The following TMEM117 variants were observed in gnomAD, a reference collection of about 807,000 sequenced individuals.
TMEM117 encodes the protein transmembrane protein 117.
Under a neutral mutation model 52.4 loss-of-function variants are expected in TMEM117, and 27 were observed. That is an observed-to-expected ratio of 0.51 (90% CI 0.38 to 0.71). The LOEUF is 0.71. TMEM117 is among the 30% of genes least tolerant of loss of function. The pLI is 0.00. For synonymous variants in TMEM117, 215 were observed against 206.3 expected (o/e 1.04, Z -0.36); for missense variants, 556 against 630.5 (o/e 0.88, Z 1.26).
intron 2 of TMEM117, among the ~76,000 whole-genome samples, chr12:43,861,251 A>G (rs1423144006): frequency 6.6e-6 from 1 of 152,140 alleles, no homozygotes; most frequent in Non-Finnish European, 1.5e-5. Flanking sequence ...CCCCCCATAG[A>G]GTAAGAAAAG....
intron 4 of TMEM117, among the ~76,000 whole-genome samples, chr12:44,209,936 G>A (rs780424870): frequency 6.6e-6 from 1 of 152,030 alleles, no homozygotes; most frequent in Admixed American, 6.6e-5. Context: ...CGGTATTATT[G>A]AAGGGGTCAC....
intron 3 of TMEM117, among the ~76,000 whole-genome samples, chr12:43,978,216 T>C (rs1449050841): frequency 1.3e-5 from 2 of 152,156 alleles, no homozygotes; most frequent in Non-Finnish European, 1.5e-5. Flanking sequence ...TGTAAGCCAG[T>C]GGGCCAGGCA....
chr12:43,885,414 C>CT (rs63547361), intron 2 of TMEM117, among the ~76,000 whole-genome samples: 4,164 of 136,904 alleles, frequency 0.03, 118 homozygotes, highest in African/African-American at 0.06. Flanking sequence ...TTTTTCTTTT[C>CT]TTTTCTTTTT....
intron 6 of TMEM117, among the ~76,000 whole-genome samples, chr12:44,354,322 G>A (rs1423443638): frequency 6.6e-6 from 1 of 151,558 alleles, no homozygotes; most frequent in African/African-American, 2.4e-5. Flanking sequence ...AGAACTTCCG[G>A]CCAGCATCAT....
chr12:44,058,228 C>T (rs1044517667), intron 3 of TMEM117, among the ~76,000 whole-genome samples: 8 of 151,874 alleles, frequency 5.3e-5, no homozygotes, highest in Non-Finnish European at 1.0e-4. Context: ...AATATATTCG[C>T]TAAGAATCTC....
At chr12:44,044,196 G>C (rs917794053) in intron 3 of TMEM117, among the ~76,000 whole-genome samples, 1 of 152,214 alleles carries the variant, frequency 6.6e-6, no homozygotes, top group Non-Finnish European at 1.5e-5. Context: ...GAAGAGCCCT[G>C]TAATTGCTCT....
At chr12:43,955,254 A>G (rs1945288624) in intron 3 of TMEM117, among the ~76,000 whole-genome samples, 2 of 152,200 alleles carry the variant, frequency 1.3e-5, no homozygotes, top group South Asian at 2.1e-4. Context: ...GCCCTGTCTC[A>G]CTACTCCTAT....
intron 4 of TMEM117, among the ~76,000 whole-genome samples, chr12:44,169,250 T>C (rs1592575737): frequency 2.0e-5 from 3 of 152,330 alleles, no homozygotes; most frequent in Admixed American, 2.0e-4. Flanking sequence ...GGTAATTCTA[T>C]GTTTAATTTT....
chr12:44,177,648 A>G (rs1054795644), intron 4 of TMEM117, among the ~76,000 whole-genome samples: 8 of 152,170 alleles, frequency 5.3e-5, no homozygotes, highest in Non-Finnish European at 1.2e-4. Context: ...TTAATAACTC[A>G]ATCTTCACAA....
chr12:44,216,688 G>A (rs1373401219), intron 5 of TMEM117, among the ~76,000 whole-genome samples: 1 of 152,146 alleles, frequency 6.6e-6, no homozygotes, highest in African/African-American at 2.4e-5. Flanking sequence ...AAAGCAGTTG[G>A]TAAAAACTGT....
At chr12:43,839,433 G>C (rs940645172) in intron 1 of TMEM117, among the ~76,000 whole-genome samples, 2 of 152,066 alleles carry the variant, frequency 1.3e-5, no homozygotes, top group South Asian at 4.2e-4. Context: ...CCTCCTTAAC[G>C]ATCCTTAATT....
intron 4 of TMEM117, among the ~76,000 whole-genome samples, chr12:44,196,141 A>G (rs1195806192): frequency 1.3e-5 from 2 of 152,054 alleles, no homozygotes; most frequent in Non-Finnish European, 2.9e-5. Context: ...TAATTGTTAA[A>G]TCCACCATCA....
intron 3 of TMEM117, among the ~76,000 whole-genome samples, chr12:43,963,425 T>C (rs575397681): frequency 6.6e-6 from 1 of 152,318 alleles, no homozygotes; most frequent in South Asian, 2.1e-4. Context: ...TGTGTGGAGA[T>C]ATAGTTCATA....
At chr12:43,974,184 T>C (rs1420348256) in intron 3 of TMEM117, among the ~76,000 whole-genome samples, 1 of 152,186 alleles carries the variant, frequency 6.6e-6, no homozygotes, top group Non-Finnish European at 1.5e-5. Flanking sequence ...TTTGTTTCAC[T>C]ACCTATTTCT....
intron 4 of TMEM117, among the ~76,000 whole-genome samples, chr12:44,163,000 T>C (rs190394587): frequency 2.8e-4 from 42 of 152,334 alleles, no homozygotes; most frequent in African/African-American, 9.4e-4. Context: ...GATCAGGCCT[T>C]CTGGTCAGCC....
intron 3 of TMEM117, among the ~76,000 whole-genome samples, chr12:44,026,890 A>G (rs193249258): frequency 5.4e-4 from 82 of 151,940 alleles, no homozygotes; most frequent in African/African-American, 2.0e-3. Flanking sequence ...ACACAAGACA[A>G]TTATCAAGAC....
At chr12:44,191,651 A>G (rs1022298749) in intron 4 of TMEM117, among the ~76,000 whole-genome samples, 4 of 152,150 alleles carry the variant, frequency 2.6e-5, no homozygotes, top group African/African-American at 7.2e-5. Context: ...AATAATGACC[A>G]TACATATTGG....
chr12:43,931,342 C>T (rs1267952083), intron 2 of TMEM117, among the ~76,000 whole-genome samples: 1 of 152,112 alleles, frequency 6.6e-6, no homozygotes. Flanking sequence ...TACTTATAGG[C>T]ATACAAAAAT....
chr12:43,866,222 C>T lies in TMEM117; in HGVS notation c.277+21294C>T, dbSNP rs79839604. The stretch of plus-strand genomic sequence containing the variant: ...ATGAATGATGGTTAATTTCTTATCA[C>T]GAACAAGGGAGGCCAGAAGATATCT... On this transcript the variant is annotated intron_variant, in intron 2 of 7. Transcript: ENST00000266534. Among the ~76,000 whole-genome samples, 1,248 of 151,700 alleles carry T rather than the reference C, an allele frequency of 8.2e-3. 42 individuals are homozygous for T. Among genetic ancestry groups the T allele is most frequent in the African/African-American group, 0.028 (1,144 of 41,114 alleles).
Sources: gnomAD v4.1 joint callset for allele counts (sites outside exome capture counted in the v4.1 genomes callset) on GRCh38, gnomAD v4.1.1 for gene constraint, MANE v1.5 for transcripts, NCBI Gene and HGNC (gene_info 2026-07-23, HGNC 2026-07-21) for gene names.